Variants in DCC observed in about 807,000 individuals in gnomAD.
DCC encodes DCC netrin 1 receptor.
Under a neutral mutation model 172.5 loss-of-function variants are expected in DCC, and 58 were observed. The observed-to-expected ratio is 0.34, with a 90% CI of 0.27 to 0.42. The LOEUF is 0.42. DCC is among the 10% of genes least tolerant of loss of function. DCC has a pLI of 1.00. For synonymous variants in DCC, 709 were observed against 644.5 expected, an observed-to-expected ratio of 1.10 and a Z score of -1.52; for missense variants, 1,740 against 1,791.0, an observed-to-expected ratio of 0.97 and a Z score of 0.51.
At chr18:52,519,422 A>T (rs994022562) in intron 1 of DCC, among the ~76,000 whole-genome samples, 1 of 152,168 alleles carries the variant, frequency 6.6e-6, no homozygotes, top group Non-Finnish European at 1.5e-5. Flanking sequence ...ATGGATGCTT[A>T]TGTGTAGATT....
intron 5 of DCC, among the ~76,000 whole-genome samples, chr18:52,978,327 T>C (rs1381267455): frequency 6.6e-6 from 1 of 151,276 alleles, no homozygotes; most frequent in East Asian, 1.9e-4. Context: ...AGAAAAAAAA[T>C]AAAAAATAAA....
At chr18:52,789,606 G>A (rs2037722366) in intron 2 of DCC, among the ~76,000 whole-genome samples, 1 of 152,142 alleles carries the variant, frequency 6.6e-6, no homozygotes, top group Admixed American at 6.6e-5. Flanking sequence ...TAACCTCACA[G>A]GTGAAACCAA....
At chr18:53,074,623 A>G (rs1315275252) in intron 7 of DCC, among the ~76,000 whole-genome samples, 1 of 151,520 alleles carries the variant, frequency 6.6e-6, no homozygotes, top group African/African-American at 2.4e-5. Context: ...ATTTTTTTTT[A>G]TTTTCTACTT....
At chr18:53,302,469 C>A (rs894511430) in intron 12 of DCC, among the ~76,000 whole-genome samples, 1 of 152,100 alleles carries the variant, frequency 6.6e-6, no homozygotes, top group Non-Finnish European at 1.5e-5. Context: ...TGTACTCTTT[C>A]GAGTCTGGTT....
In DCC at chr18:52,456,067, T is replaced by C. The variant is rs945260100; in HGVS notation, c.91+115189T>C. 2.6e-4 allele frequency among the ~76,000 whole-genome samples: 39 copies of C among 152,312 alleles called. 1 individual carries two copies. The highest frequency in any genetic ancestry group is 7.9e-4 in the African/African-American group (33 of 41,594). Reference sequence around the variant, plus strand: ...AGAATATCCTGTAGCATGTGCTGCATCGTATCAAGGTATGAAAGACAACTA... The same window carrying C: ...AGAATATCCTGTAGCATGTGCTGCACCGTATCAAGGTATGAAAGACAACTA... On this transcript the variant is annotated intron_variant, in intron 1 of 28. Coordinates refer to ENST00000442544, the MANE Select transcript of DCC (RefSeq NM_005215.4).
chr18:53,257,024 G>A (rs1007755040), intron 12 of DCC, among the ~76,000 whole-genome samples: 1 of 152,098 alleles, frequency 6.6e-6, no homozygotes, highest in African/African-American at 2.4e-5. Context: ...GTCTGTTATT[G>A]GTGTATAAGA....
intron 14 of DCC, among the ~76,000 whole-genome samples, chr18:53,339,006 A>G (rs2057623407): frequency 6.6e-6 from 1 of 152,206 alleles, no homozygotes; most frequent in South Asian, 2.1e-4. Flanking sequence ...CTTTGAGTCA[A>G]TCAATATTTG....
intron 2 of DCC, among the ~76,000 whole-genome samples, chr18:52,886,051 C>G (rs750711732): frequency 2.0e-5 from 3 of 151,740 alleles, no homozygotes; most frequent in Non-Finnish European, 4.4e-5. Context: ...CCTCTTTCCT[C>G]TTCTCTCTCC....
chr18:53,145,774 T>G (rs752407379), intron 7 of DCC, among the ~76,000 whole-genome samples: 7 of 151,952 alleles, frequency 4.6e-5, no homozygotes, highest in Non-Finnish European at 1.0e-4. Flanking sequence ...GAGAAAGAAA[T>G]AAATAGAAAA....
chr18:52,755,464 C>T (rs879484772), intron 2 of DCC, among the ~76,000 whole-genome samples: 4 of 152,182 alleles, frequency 2.6e-5, no homozygotes, highest in Non-Finnish European at 5.9e-5. Context: ...GAGTTAAAAT[C>T]TCATATTAGA....
rs939464475 is a variant in DCC, at chr18:53,462,908, A to G, written c.3619+3450A>G. On this transcript the variant is annotated intron_variant, in intron 24 of 28. Transcript: ENST00000442544. ...ATCTCCTATATCCTTGCCAGACCCA[A>G]TGGTGAGAGAGCTTGCACTCTACCA... is the stretch of plus-strand genomic sequence containing the variant. 3.3e-5 allele frequency among the ~76,000 whole-genome samples: 5 copies of G among 152,196 alleles called. No homozygotes were observed. The East Asian group carries it at 5.8e-4, about 18-fold the overall frequency.
intron 1 of DCC, among the ~76,000 whole-genome samples, chr18:52,532,992 T>A (rs186827823): frequency 1.4e-4 from 21 of 152,250 alleles, no homozygotes; most frequent in Admixed American, 9.2e-4. Flanking sequence ...TAATCTACTC[T>A]GTCTTTACAG....
At chr18:53,477,965 G>C (rs1190158624) in intron 25 of DCC, among the ~76,000 whole-genome samples, 1 of 152,208 alleles carries the variant, frequency 6.6e-6, no homozygotes, top group East Asian at 1.9e-4. Flanking sequence ...TTTAAATGCT[G>C]TTTCTTACTA....
chr18:52,382,333 C>T (rs1985620053), intron 1 of DCC, among the ~76,000 whole-genome samples: 1 of 152,024 alleles, frequency 6.6e-6, no homozygotes, highest in Non-Finnish European at 1.5e-5. Context: ...ATAATTGAAA[C>T]AAAAGTTTTA....
At chr18:53,426,772 T>A (rs557659863) in intron 21 of DCC, among the ~76,000 whole-genome samples, 1 of 152,232 alleles carries the variant, frequency 6.6e-6, no homozygotes, top group African/African-American at 2.4e-5. Flanking sequence ...GCACTGTGAA[T>A]CTACTTAATG....
chr18:52,568,819 AT>A (rs566336898), intron 1 of DCC, among the ~76,000 whole-genome samples: 67 of 152,240 alleles, frequency 4.4e-4, no homozygotes, highest in Non-Finnish European at 5.3e-4. Flanking sequence ...CTAGAATGAT[AT>A]TTTTTTAAAT....
chr18:53,260,148 A>G (rs1414485738), intron 12 of DCC, among the ~76,000 whole-genome samples: 2 of 151,990 alleles, frequency 1.3e-5, no homozygotes, highest in East Asian at 3.9e-4. Context: ...ATGGGTTCGA[A>G]CTTCCTCCTT....
At chr18:53,052,467 C>A (rs930514065) in intron 5 of DCC, among the ~76,000 whole-genome samples, 3 of 151,728 alleles carry the variant, frequency 2.0e-5, no homozygotes, top group Non-Finnish European at 4.4e-5. Context: ...CTATGCCTGT[C>A]TTTTATCTTG....
intron 23 of DCC, among the ~76,000 whole-genome samples, chr18:53,452,419 C>T (rs531563105): frequency 6.6e-6 from 1 of 152,036 alleles, no homozygotes; most frequent in Admixed American, 6.5e-5. Context: ...GAAGAATGTT[C>T]GAGCATTAGA....
Sources: allele counts gnomAD v4.1 joint callset (sites outside exome capture counted in the v4.1 genomes callset), GRCh38; gene constraint gnomAD v4.1.1; transcripts MANE v1.5; gene names NCBI Gene and HGNC (gene_info 2026-07-23, HGNC 2026-07-21).